CAPN13: variants seen among roughly 807,000 people sequenced by gnomAD.
CAPN13 encodes calpain-13.
In CAPN13, 90 loss-of-function variants were observed where a neutral mutation model predicts 98.4. That is an observed-to-expected ratio of 0.92 (90% CI 0.77 to 1.09). CAPN13 has a LOEUF of 1.09. Ranked by LOEUF, CAPN13 falls within the 50% of genes least tolerant of loss-of-function variation. The pLI is 0.00. For missense variants in CAPN13, 887 were observed against 841.3 expected (o/e 1.05, Z -0.67); for synonymous variants, 330 against 305.5 (o/e 1.08, Z -0.84).
intron 15 of CAPN13, chr2:30,741,397 C>A: frequency 1.0e-6 from 1 of 988,808 alleles, no homozygotes; most frequent in Non-Finnish European, 1.2e-6. Flanking sequence ...GCTCATTGTG[C>A]AGAGCCCCTG....
intron 1 of CAPN13, among the ~76,000 whole-genome samples, chr2:30,791,194 G>C (rs982893717): frequency 5.3e-5 from 8 of 152,196 alleles, no homozygotes; most frequent in African/African-American, 1.9e-4. Flanking sequence ...GTGGATGTCA[G>C]TGAACACAAG....
chr2:30,751,388 CCA>C lies in CAPN13; in HGVS notation c.1088-139_1088-138del, dbSNP rs146639315. 2.5e-4 allele frequency: 211 copies of C among 846,408 alleles called. 1 individual carries two copies. The African/African-American group carries it at 3.3e-3, about 13-fold the overall frequency. 52.4% of individuals were successfully genotyped at this position (846,408 alleles called of 1,614,324 possible). On this transcript the variant is annotated intron_variant, in intron 10 of 22. Transcript: ENST00000295055. The stretch of plus-strand genomic sequence containing the variant: ...AGACCTAAGGCCTGGATCCCAATCC[CCA>C]CAGTTACTACTTGAGAAACAAGTTA...
chr2:30,766,223 A>G (rs1167685775), intron 5 of CAPN13, among the ~76,000 whole-genome samples: 1 of 152,218 alleles, frequency 6.6e-6, no homozygotes, highest in African/African-American at 2.4e-5. Context: ...ACTCCAGAAA[A>G]GCCGCGGTGG....
At chr2:30,768,734 C>T (rs1367087195) in intron 5 of CAPN13, among the ~76,000 whole-genome samples, 2 of 144,112 alleles carry the variant, frequency 1.4e-5, no homozygotes, top group Non-Finnish European at 2.9e-5. Context: ...TTCTCCTCCA[C>T]CCCAAGACAA....
intron 15 of CAPN13, among the ~76,000 whole-genome samples, chr2:30,740,623 T>A (rs775582241): frequency 2.6e-5 from 4 of 152,250 alleles, no homozygotes; most frequent in African/African-American, 4.8e-5. Context: ...GCCATGTATC[T>A]GGCAGAATGC....
At chr2:30,758,468 C>T (rs944121091) in intron 7 of CAPN13, among the ~76,000 whole-genome samples, 1 of 152,146 alleles carries the variant, frequency 6.6e-6, no homozygotes, top group Non-Finnish European at 1.5e-5. Context: ...TTGCTTCGGG[C>T]TGCAGAGAAT....
intron 11 of CAPN13, 53 bp downstream of exon 11, chr2:30,751,050 C>T: frequency 6.3e-7 from 1 of 1,590,658 alleles, no homozygotes; most frequent in Non-Finnish European, 8.6e-7. Flanking sequence ...CTCCCCAACT[C>T]AAGGTTTACA....
chr2:30,742,926 G>A (rs747384520), intron 13 of CAPN13, among the ~76,000 whole-genome samples: 6 of 152,100 alleles, frequency 3.9e-5, no homozygotes, highest in African/African-American at 9.7e-5. Context: ...CTGGCCAAAT[G>A]CCACCTTCCT....
At chr2:30,734,655 C>T in intron 18 of CAPN13, 131 bp from the exon 19 acceptor site, 4 of 709,618 alleles carry the variant, frequency 5.6e-6, no homozygotes, top group South Asian at 1.7e-5. Context: ...ACTGGGAGGA[C>T]ACAGTGGCCA....
At chr2:30,797,088 G>A (rs1674924540) in intron 1 of CAPN13, among the ~76,000 whole-genome samples, 1 of 152,178 alleles carries the variant, frequency 6.6e-6, no homozygotes. Context: ...AAATAGACAG[G>A]AAGCCTGGAA....
chr2:30,743,556 G>A lies in CAPN13; in HGVS notation c.1272C>T (p.Pro424=), dbSNP rs370192320. The A allele has an allele frequency of 7.0e-5, 113 of 1,613,774 alleles. No individual in the cohort carries two copies. The highest frequency in any genetic ancestry group is 5.0e-4 in the Admixed American group (30 of 59,990). ...GSQRFREKFP[P]VFFSSFRNTV... ...TGTTTCTGAACGAGGAAAAAAACAC[G>A]GGTGGAAATTTCTCCCGGAACCGCT... Residue 424 remains proline (P), a synonymous_variant, in exon 13 of 23, where the codon CCC becomes CCT. Coordinates refer to ENST00000295055, the MANE Select transcript of CAPN13 (RefSeq NM_144575.3).
At chr2:30,739,250 A>G (rs1671534112) in intron 15 of CAPN13, among the ~76,000 whole-genome samples, 1 of 152,146 alleles carries the variant, frequency 6.6e-6, no homozygotes, top group African/African-American at 2.4e-5. Flanking sequence ...CTATGCTGCT[A>G]TCGCCCTGGG....
At chr2:30,746,477 A>G (rs540142212) in intron 11 of CAPN13, 1 of 155,956 alleles carries the variant, frequency 6.4e-6, no homozygotes, top group East Asian at 1.9e-4. Flanking sequence ...GCTGGAGAAT[A>G]TTGCACCTTC....
chr2:30,798,519 C>T (rs879438370), intron 1 of CAPN13, among the ~76,000 whole-genome samples: 4 of 152,182 alleles, frequency 2.6e-5, no homozygotes, highest in Non-Finnish European at 4.4e-5. Context: ...CTCTGGTGTC[C>T]CTGTCCGCAG....
At chr2:30,759,018 CTAT>C in intron 7 of CAPN13, among the ~76,000 whole-genome samples, 17 of 122,846 alleles carry the variant, frequency 1.4e-4, no homozygotes, top group Non-Finnish European at 2.2e-4. Flanking sequence ...TTCCCTGCTC[CTAT>C]TCTTCCTTCC....
chr2:30,791,401 G>A (rs1674600441), intron 1 of CAPN13, among the ~76,000 whole-genome samples: 1 of 152,184 alleles, frequency 6.6e-6, no homozygotes, highest in Non-Finnish European at 1.5e-5. Context: ...TCTCCTGAGT[G>A]TCAGCAGATT....
chr2:30,732,326 C>T, intron 20 of CAPN13, 112 bp downstream of exon 20: 1 of 1,392,034 alleles, frequency 7.2e-7, no homozygotes, highest in Non-Finnish European at 9.8e-7. Context: ...TGCTGGCCCA[C>T]CCTGCTGCTG....
chr2:30,741,963 C>A lies in CAPN13; in HGVS notation c.1481G>T (p.Gly494Val). 2 of 1,613,798 alleles carry A rather than the reference C, an allele frequency of 1.2e-6. No individual in the cohort carries two copies. The highest frequency in any genetic ancestry group is 1.7e-6 in the Non-Finnish European group (2 of 1,179,758). The change falls in exon 15 of 23, where the codon GGA becomes GTA. Residue 494 changes from glycine to valine, a missense_variant and splice_region_variant. By Grantham distance (109) the Gly-to-Val change is moderately radical (BLOSUM62 -3). Coordinates refer to ENST00000295055, the MANE Select transcript of CAPN13 (RefSeq NM_144575.3). Reference protein sequence around the residue: ...LSSHFNLRMKGSPSEHGSQQS... With the variant: ...LSSHFNLRMKVSPSEHGSQQS... ...TTGGGAGCCATGTTCTGAAGGGCTT[C>A]CCTGGATCAAAGGGAAAATAGTCAA...
In CAPN13 at chr2:30,743,551, A is replaced by G; in HGVS notation, c.1277T>C (p.Phe426Ser). 4 of 1,613,998 alleles carry G rather than the reference A, an allele frequency of 2.5e-6. No individual in the cohort carries two copies. ...QRFREKFPPV[F>S]FSSFRNTVQS... ...GACAGTGTTTCTGAACGAGGAAAAA[A>G]ACACGGGTGGAAATTTCTCCCGGAA... The change falls in exon 13 of 23, where the codon TTT (phenylalanine) becomes TCT (serine). Residue 426 changes from phenylalanine to serine, a missense_variant. Phe to Ser is a radical substitution (Grantham distance 155). Transcript: ENST00000295055.
Sources: allele counts gnomAD v4.1 joint callset (sites outside exome capture counted in the v4.1 genomes callset), GRCh38; gene constraint gnomAD v4.1.1; transcripts MANE v1.5; gene names NCBI Gene and HGNC (gene_info 2026-07-23, HGNC 2026-07-21).